Variants in CMIP observed in about 807,000 individuals in gnomAD.
CMIP encodes c-Maf inducing protein.
A neutral mutation model predicts 97.3 loss-of-function variants in CMIP; 13 were observed. That is an observed-to-expected ratio of 0.13 (90% CI 0.09 to 0.21). CMIP has a LOEUF of 0.21. Among genes scored for constraint, CMIP ranks in the 10% least tolerant of loss-of-function variants. The pLI, the probability that CMIP is intolerant of heterozygous loss-of-function variation, is 1.00. For missense variants in CMIP, 847 were observed against 1,024.9 expected (o/e 0.83, Z 2.37); for synonymous variants, 538 against 436.3 (o/e 1.23, Z -2.91).
chr16:81,541,345 TTTTTGGAGATGTG>T (rs1268931252), intron 1 of CMIP, among the ~76,000 whole-genome samples: 1 of 152,230 alleles, frequency 6.6e-6, no homozygotes, highest in East Asian at 1.9e-4. Context: ...TCAGTGAGTC[TTTTTGGAGATGTG>T]TTTTGGAGAT....
intron 1 of CMIP, among the ~76,000 whole-genome samples, chr16:81,548,125 G>T (rs1167854352): frequency 7.0e-6 from 1 of 142,782 alleles, no homozygotes; most frequent in Admixed American, 7.6e-5. Flanking sequence ...TCTAAGGATG[G>T]ATCACTTTTT....
chr16:81,688,789 C>G (rs1337507772), intron 10 of CMIP, among the ~76,000 whole-genome samples: 1 of 152,122 alleles, frequency 6.6e-6, no homozygotes, highest in Non-Finnish European at 1.5e-5. Flanking sequence ...GATATATCTC[C>G]TAATGCTATC....
Position 81,657,874 on chromosome 16 carries a change from C to T in CMIP, c.681+58C>T, listed in dbSNP as rs980798050. ...ACCTCCGCCTCCTGGAGCCTACAACCCTTTTCCTGGTTTGGGGTAATTCTG... is the reference window on the plus strand; with the variant it reads ...ACCTCCGCCTCCTGGAGCCTACAACTCTTTTCCTGGTTTGGGGTAATTCTG... On this transcript the variant is annotated intron_variant, in intron 5 of 20. Transcript: ENST00000537098. The T allele has an allele frequency of 9.1e-6, 13 of 1,433,846 alleles. No individual in the cohort carries two copies. The African/African-American group carries it at 1.7e-4, about 19-fold the overall frequency. 88.8% of individuals were successfully genotyped at this position (1,433,846 alleles called of 1,614,324 possible). A position where few individuals can be genotyped will look rare whatever the true frequency, so the allele number is the denominator to read the frequency against.
chr16:81,471,519 T>C (rs1907552582), intron 1 of CMIP, among the ~76,000 whole-genome samples: 1 of 151,944 alleles, frequency 6.6e-6, no homozygotes, highest in Non-Finnish European at 1.5e-5. Context: ...TGTGCAGACA[T>C]GTAATACACA....
intron 1 of CMIP, among the ~76,000 whole-genome samples, chr16:81,545,201 T>A (rs964529220): frequency 6.6e-6 from 1 of 152,220 alleles, no homozygotes; most frequent in Non-Finnish European, 1.5e-5. Context: ...CCTTAGCTTC[T>A]TCCATCCTTT....
intron 1 of CMIP, among the ~76,000 whole-genome samples, chr16:81,571,117 G>T (rs768550936): frequency 6.6e-6 from 1 of 152,134 alleles, no homozygotes; most frequent in Non-Finnish European, 1.5e-5. Flanking sequence ...GGAACTCTAG[G>T]TACTAACTCA....
chr16:81,640,738 A>ATGTGTGTGTGTGTGTGTGTGTG (rs751455480), intron 3 of CMIP, among the ~76,000 whole-genome samples: 1 of 138,938 alleles, frequency 7.2e-6, no homozygotes, highest in African/African-American at 2.7e-5. Flanking sequence ...TCTCTGGAGC[A>ATGTGTGTGTGTGTGTGTGTGTG]TGTGTGTGTG....
intron 1 of CMIP, among the ~76,000 whole-genome samples, chr16:81,474,948 GTAACTCATT>G (rs2150750559): frequency 6.6e-6 from 1 of 152,328 alleles, no homozygotes; most frequent in East Asian, 1.9e-4. Context: ...AGGCCTGAGG[GTAACTCATT>G]TTGGAAGGTT....
chr16:81,532,246 A>T (rs1017298094), intron 1 of CMIP, among the ~76,000 whole-genome samples: 1 of 152,216 alleles, frequency 6.6e-6, no homozygotes, highest in Non-Finnish European at 1.5e-5. Flanking sequence ...TCATCATTAG[A>T]TGTCGAAGTT....
intron 5 of CMIP, 21 bp from the exon 6 acceptor site, chr16:81,660,863 T>C (rs915829321): frequency 6.2e-7 from 1 of 1,613,916 alleles, no homozygotes; most frequent in South Asian, 1.1e-5. Context: ...CGGTTCCTGA[T>C]GCTTGTTTGT....
chr16:81,489,964 C>T (rs182047933), intron 1 of CMIP, among the ~76,000 whole-genome samples: 1 of 152,186 alleles, frequency 6.6e-6, no homozygotes, highest in African/African-American at 2.4e-5. Context: ...TTCCGGCCAC[C>T]GGGATTCTTG....
chr16:81,677,492 C>T (rs1260184298), intron 9 of CMIP, among the ~76,000 whole-genome samples: 5 of 152,170 alleles, frequency 3.3e-5, no homozygotes, highest in African/African-American at 1.2e-4. Flanking sequence ...CCTTATAATG[C>T]ACCTCCCAGG....
intron 1 of CMIP, among the ~76,000 whole-genome samples, chr16:81,572,991 TAATAA>T (rs1302527748): frequency 2.0e-5 from 3 of 152,146 alleles, no homozygotes; most frequent in African/African-American, 7.2e-5. Context: ...AGATAACCAA[TAATAA>T]AATGAAATGA....
chr16:81,476,377 T>A (rs1168877139), intron 1 of CMIP: 1 of 1,225,686 alleles, frequency 8.2e-7, no homozygotes, highest in South Asian at 1.2e-5. Context: ...GGAACCCTTA[T>A]AACCAACTCC....
intron 1 of CMIP, among the ~76,000 whole-genome samples, chr16:81,554,606 C>G (rs1199281289): frequency 6.6e-6 from 1 of 152,248 alleles, no homozygotes. Context: ...CTCCAGATTT[C>G]TACTTTCTGG....
At position 81,677,474 on chromosome 16, in the gene CMIP, C is replaced by G. The variant is rs370889764; in HGVS notation, c.1035-801C>G. On this transcript the variant is annotated intron_variant, in intron 9 of 20. Transcript: ENST00000537098. ...CCAGCAGAGGAACCCGTTGATGGTA[C>G]TACTGTCCCTTATAATGCACCTCCC... 1.2e-4 allele frequency among the ~76,000 whole-genome samples: 19 copies of G among 152,276 alleles called. No individual in the cohort carries two copies. In the East Asian group the frequency reaches 3.5e-3, roughly 28 times the overall value.
At chr16:81,489,107 T>G (rs561683899) in intron 1 of CMIP, among the ~76,000 whole-genome samples, 1 of 152,330 alleles carries the variant, frequency 6.6e-6, no homozygotes, top group East Asian at 1.9e-4. Flanking sequence ...GCACAGGAGA[T>G]GCACCCATGA....
chr16:81,551,696 C>A (rs2090661597), intron 1 of CMIP, among the ~76,000 whole-genome samples: 1 of 152,182 alleles, frequency 6.6e-6, no homozygotes. Flanking sequence ...AGGCAAACTT[C>A]CCCCATCCAA....
At chr16:81,691,191 G>A (rs1437820378) in intron 10 of CMIP, among the ~76,000 whole-genome samples, 1 of 152,178 alleles carries the variant, frequency 6.6e-6, no homozygotes, top group East Asian at 1.9e-4. Context: ...GTTCGGGAAG[G>A]CACAACCCTG....
Sources: allele counts gnomAD v4.1 joint callset (sites outside exome capture counted in the v4.1 genomes callset), GRCh38; gene constraint gnomAD v4.1.1; transcripts MANE v1.5; gene names NCBI Gene and HGNC (gene_info 2026-07-23, HGNC 2026-07-21).